SAMD3: variants seen among roughly 807,000 people sequenced by gnomAD.
The protein encoded by SAMD3 is sterile alpha motif domain-containing protein 3.
A neutral mutation model predicts 58.5 loss-of-function variants in SAMD3; 63 were observed. The ratio of observed to expected loss-of-function variants is 1.08; its 90% confidence interval spans 0.88 to 1.33. The LOEUF (loss-of-function observed/expected upper bound fraction) is 1.33, where lower values mean the gene tolerates loss of function less well. Ranked by LOEUF, SAMD3 falls within the 40% of genes most tolerant of loss-of-function variation. SAMD3 has a pLI of 0.00. For synonymous variants in SAMD3, 220 were observed against 210.3 expected, an observed-to-expected ratio of 1.05 and a Z score of -0.40; for missense variants, 604 against 608.4, an observed-to-expected ratio of 0.99 and a Z score of 0.08.
chr6:130,268,472 T>C, intron 2 of SAMD3, among the ~76,000 whole-genome samples: 1 of 152,182 alleles, frequency 6.6e-6, no homozygotes, highest in East Asian at 1.9e-4. Context: ...TAGTGTACAA[T>C]AATGCCCTAG....
intron 1 of SAMD3, among the ~76,000 whole-genome samples, chr6:130,320,630 C>G (rs7741217): frequency 6.6e-5 from 10 of 151,938 alleles, no homozygotes; most frequent in African/African-American, 2.4e-4. Context: ...AACCTAAATG[C>G]CCATCAACAG....
chr6:130,173,430 G>T (rs1791425464), intron 8 of SAMD3, among the ~76,000 whole-genome samples: 1 of 152,168 alleles, frequency 6.6e-6, no homozygotes, highest in African/African-American at 2.4e-5. Flanking sequence ...TCTTCTAACA[G>T]ATCCCTCTTC....
At chr6:130,365,805 C>A (rs1778121512), upstream of SAMD3, 2 of 985,350 alleles carry the variant, frequency 2.0e-6, no homozygotes, top group South Asian at 4.7e-5. Context: ...CGCGGATCGG[C>A]CGGCCTGGGC....
At chr6:130,258,019 C>T (rs1045159800) in intron 2 of SAMD3, among the ~76,000 whole-genome samples, 6 of 152,000 alleles carry the variant, frequency 3.9e-5, no homozygotes, top group African/African-American at 1.4e-4. Context: ...TGTTATTGTA[C>T]ATCATATTGG....
chr6:130,174,600 G>A (rs1356104763), intron 8 of SAMD3, among the ~76,000 whole-genome samples: 6 of 152,210 alleles, frequency 3.9e-5, no homozygotes, highest in Non-Finnish European at 8.8e-5. Flanking sequence ...GACTGGAGCT[G>A]TTCCTATTCG....
chr6:130,265,156 T>C (rs1227350089), intron 2 of SAMD3, among the ~76,000 whole-genome samples: 3 of 152,228 alleles, frequency 2.0e-5, no homozygotes, highest in Non-Finnish European at 1.5e-5. Context: ...CGCATAACCA[T>C]TGAAGTTTAC....
At chr6:130,154,714 AAAAAATATAT>A (rs1204787210) in intron 9 of SAMD3, 101 bp downstream of exon 9, 443 of 89,520 alleles carry the variant, frequency 4.9e-3, no homozygotes, top group African/African-American at 0.019. Flanking sequence ...AAAAAAAAAA[AAAAAATATAT>A]ATATATATAT....
At position 130,238,264 on chromosome 6, in the gene SAMD3, G is replaced by A. The variant is rs192857026; in HGVS notation, c.-187-15451C>T. Among the ~76,000 whole-genome samples the A allele has an allele frequency of 5.9e-5, 9 of 152,208 alleles. No individual in the cohort carries two copies. The East Asian group carries it at 1.7e-3, about 29-fold the overall frequency. ...GATTAATATTTATGTGATCAATGTT[G>A]GCAGTTAAGTCAATAATTGATAGTT... On this transcript the variant is annotated intron_variant, in intron 2 of 13. Transcript: ENST00000368134.
chr6:130,287,116 T>C (rs1775185042), intron 2 of SAMD3, among the ~76,000 whole-genome samples: 1 of 152,210 alleles, frequency 6.6e-6, no homozygotes, highest in Non-Finnish European at 1.5e-5. Context: ...TCCAGTTTTT[T>C]TCTTCTGTCT....
intron 5 of SAMD3, among the ~76,000 whole-genome samples, chr6:130,199,053 T>C (rs114588655): frequency 0.011 from 1,616 of 152,320 alleles, 28 homozygotes; most frequent in African/African-American, 0.037. Context: ...TGTAAAATAG[T>C]ATTACTTTCT....
At chr6:130,299,375 A>G (rs1197533393) in intron 2 of SAMD3, among the ~76,000 whole-genome samples, 2 of 152,188 alleles carry the variant, frequency 1.3e-5, no homozygotes, top group Admixed American at 6.5e-5. Flanking sequence ...CTTTTGGGTA[A>G]AGAACAAAAT....
At chr6:130,365,418 C>A (rs895596340) in exon 1 of SAMD3, 1 of 985,470 alleles carries the variant, frequency 1.0e-6, no homozygotes, top group Middle Eastern at 5.2e-4. Flanking sequence ...GCCTTGGCCG[C>A]GTCTTTTCCG....
intron 2 of SAMD3, among the ~76,000 whole-genome samples, chr6:130,234,622 A>G (rs1213663104): frequency 6.6e-6 from 1 of 152,222 alleles, no homozygotes; most frequent in Non-Finnish European, 1.5e-5. Context: ...GCAAATTTGA[A>G]CCAACGTGTA....
At chr6:130,198,619 C>G (rs1203358303) in intron 5 of SAMD3, among the ~76,000 whole-genome samples, 3 of 152,122 alleles carry the variant, frequency 2.0e-5, no homozygotes, top group African/African-American at 7.2e-5. Flanking sequence ...GGCACCAAAC[C>G]AAGTGGTGAG....
At chr6:130,154,763 AATATGTGTGTGTGTGTATATACATAT>A (rs1789618811) in intron 9 of SAMD3, 36 bp downstream of exon 9, 4 of 621,142 alleles carry the variant, frequency 6.4e-6, no homozygotes, top group Middle Eastern at 3.6e-4. Flanking sequence ...ATAATATTAA[AATATGTGTGTGTGTGTATATACATAT>A]ATATGTGTGT....
intron 3 of SAMD3, among the ~76,000 whole-genome samples, chr6:130,214,945 T>C (rs764418254): frequency 6.6e-6 from 1 of 152,204 alleles, no homozygotes; most frequent in African/African-American, 2.4e-5. Context: ...ATATCAAATA[T>C]GTATTTTAAG....
rs576962857 is a variant in SAMD3 at position 130,292,399 on chromosome 6, G to A, written c.-188+20579C>T. Among the ~76,000 whole-genome samples, 4 of 150,764 alleles carry A rather than the reference G, an allele frequency of 2.7e-5. No individual in the cohort carries two copies. The South Asian group carries it at 8.4e-4, about 31-fold the overall frequency. On this transcript the variant is annotated intron_variant, in intron 2 of 13. Transcript: ENST00000368134. The stretch of plus-strand genomic sequence containing the variant: ...CCTCCCGGGCTCAAGCAGTTCTCCT[G>A]CGTCAGCCTCCCAAGTAGCTGGGAT...
In SAMD3 at chr6:130,214,495, T is replaced by G; in HGVS notation, c.111A>C (p.Ala37=). ...EEEVSGAALL[A]LNDRMVQQLV... is the part of the protein sequence containing the mutation. ...GTTGCTGAACCATCCGATCATTAAG[T>G]GCAAGAAGAGCGGCCCCACTTACTT... is the stretch of plus-strand genomic sequence containing the variant. The change falls in exon 4 of 12, where the codon GCA becomes GCC. Residue 37 remains alanine (A), a synonymous_variant. Coordinates refer to ENST00000439090, the MANE Select transcript of SAMD3 (RefSeq NM_001017373.4). The G allele has an allele frequency of 6.2e-7, 1 of 1,607,916 alleles. No individual in the cohort carries two copies. Among genetic ancestry groups the G allele is most frequent in the East Asian group, 2.2e-5 (1 of 44,614 alleles).
intron 8 of SAMD3, among the ~76,000 whole-genome samples, chr6:130,170,147 G>A: frequency 6.6e-6 from 1 of 152,126 alleles, no homozygotes; most frequent in East Asian, 1.9e-4. Context: ...TGTCATCTAG[G>A]TTATAAGACC....
Sources: gnomAD v4.1 joint callset for allele counts (sites outside exome capture counted in the v4.1 genomes callset) on GRCh38, gnomAD v4.1.1 for gene constraint, MANE v1.5 for transcripts, NCBI Gene and HGNC (gene_info 2026-07-23, HGNC 2026-07-21) for gene names.